The following TNRC6A variants were observed in gnomAD, a reference collection of about 807,000 sequenced individuals.
The protein encoded by TNRC6A is trinucleotide repeat containing adaptor 6A.
A neutral mutation model predicts 221.2 loss-of-function variants in TNRC6A; 44 were observed. The observed-to-expected ratio is 0.20, with a 90% CI of 0.16 to 0.26. The LOEUF is 0.26. TNRC6A is among the 10% of genes least tolerant of loss of function. The pLI, the probability that TNRC6A is intolerant of heterozygous loss-of-function variation, is 1.00. For synonymous variants in TNRC6A, 847 were observed against 838.5 expected, an observed-to-expected ratio of 1.01 and a Z score of -0.18; for missense variants, 2,199 against 2,404.4, an observed-to-expected ratio of 0.91 and a Z score of 1.79.
At chr16:24,691,388 T>C (rs778675475) in intron 2 of TNRC6A, among the ~76,000 whole-genome samples, 11 of 152,136 alleles carry the variant, frequency 7.2e-5, no homozygotes, top group Non-Finnish European at 1.3e-4. Context: ...CAACCCATTT[T>C]ACATTTTTAA....
At chr16:24,616,818 G>A (rs1900378468) in intron 1 of TNRC6A, among the ~76,000 whole-genome samples, 1 of 152,122 alleles carries the variant, frequency 6.6e-6, no homozygotes, top group South Asian at 2.1e-4. Flanking sequence ...CTACTCAGGA[G>A]CCTGAGGCAG....
At chr16:24,656,317 A>T (rs931546638) in intron 2 of TNRC6A, among the ~76,000 whole-genome samples, 4 of 151,736 alleles carry the variant, frequency 2.6e-5, no homozygotes, top group Non-Finnish European at 5.9e-5. Context: ...ACAAAAAAAA[A>T]TTAGCTGGGC....
Position 24,809,501 on chromosome 16 carries a change from C to CAA in TNRC6A, c.4672+20_4672+21insAA. The CAA allele has an allele frequency of 9.6e-7, 1 of 1,037,662 alleles. No homozygotes were observed. The highest frequency in any genetic ancestry group is 1.2e-6 in the Non-Finnish European group (1 of 846,012). The allele number at this position is 1,037,662 out of a possible 1,614,324, so 64.3% of individuals were successfully genotyped here. Reference sequence around the variant, plus strand: ...AACATGGTACAAAAGATACATCTTACCAAAAAAAAAAAAAAAACACACACA... The same window carrying CAA: ...AACATGGTACAAAAGATACATCTTACAACAAAAAAAAAAAAAAAACACACACA... On this transcript the variant is annotated intron_variant, in intron 18 of 24. Transcript: ENST00000395799.
rs748404766 is a variant in TNRC6A, at chr16:24,750,771, GAAA to G, written c.103_105del (p.Lys35del). Reference sequence around the variant, plus strand: ...AACAGTTGATGGAAGAAAAGAAAAAGAAAAAAGACGACAAGAAAAAGAAGGAAG... The same window carrying G: ...AACAGTTGATGGAAGAAAAGAAAAAGAAAGACGACAAGAAAAAGAAGGAAG... On this transcript the variant is annotated inframe_deletion, in exon 3 of 25. Transcript: ENST00000395799. The G allele has an allele frequency of 1.1e-5, 18 of 1,565,278 alleles. No homozygotes were observed. The highest frequency in any genetic ancestry group is 3.4e-4 in the Middle Eastern group (2 of 5,906).
chr16:24,648,319 T>C (rs189715906), intron 2 of TNRC6A, among the ~76,000 whole-genome samples: 3,250 of 141,840 alleles, frequency 0.023, 122 homozygotes, highest in African/African-American at 0.082. Flanking sequence ...TCGCCCAGGC[T>C]GGAGTGCAGT....
chr16:24,748,718 C>T (rs1228947709), intron 2 of TNRC6A, among the ~76,000 whole-genome samples: 3 of 152,038 alleles, frequency 2.0e-5, no homozygotes, highest in Non-Finnish European at 4.4e-5. Flanking sequence ...CTCATTGCAG[C>T]GCACCTATAG....
At chr16:24,734,558 G>A (rs1323934216) in intron 2 of TNRC6A, among the ~76,000 whole-genome samples, 10 of 152,204 alleles carry the variant, frequency 6.6e-5, no homozygotes, top group African/African-American at 1.4e-4. Flanking sequence ...CATTTCTCAA[G>A]TGAGAAAGCT....
intron 2 of TNRC6A, among the ~76,000 whole-genome samples, chr16:24,680,713 C>CAAA (rs560768377): frequency 1.7e-5 from 2 of 118,248 alleles, no homozygotes; most frequent in Non-Finnish European, 3.5e-5. Flanking sequence ...AAGACTCCAT[C>CAAA]AAAAAAAAAA....
intron 2 of TNRC6A, among the ~76,000 whole-genome samples, chr16:24,690,831 G>A (rs940584136): frequency 8.9e-5 from 13 of 146,000 alleles, no homozygotes; most frequent in Non-Finnish European, 1.2e-4. Flanking sequence ...TTTTTGAGAC[G>A]GAGTCTTGCT....
At chr16:24,819,732 C>CATCATTAAAAAA in intron 21 of TNRC6A, 1 of 196,210 alleles carries the variant, frequency 5.1e-6, no homozygotes, top group Non-Finnish European at 1.0e-5. Flanking sequence ...TGAGTTGGGG[C>CATCATTAAAAAA]TCTTTTGCAG....
At chr16:24,796,396 A>G (rs2058220031) in intron 9 of TNRC6A, 1 of 154,804 alleles carries the variant, frequency 6.5e-6, no homozygotes, top group African/African-American at 2.4e-5. Context: ...AATCAGTGAT[A>G]GTATGAAATA....
chr16:24,706,979 T>TTTATTTA (rs1555492075), intron 2 of TNRC6A, among the ~76,000 whole-genome samples: 5,743 of 140,442 alleles, frequency 0.041, 205 homozygotes, highest in East Asian at 0.15. Context: ...ATTTATCTAT[T>TTTATTTA]TTTATTTATG....
rs138044879 is a variant in TNRC6A at position 24,745,457 on chromosome 16, AAGT to A, written c.54-5266_54-5264del. Among the ~76,000 whole-genome samples, 1,328 of 152,320 alleles carry A rather than the reference AAGT, an allele frequency of 8.7e-3. 15 individuals carry two copies. The highest frequency in any genetic ancestry group is 0.019 in the Admixed American group (289 of 15,308). ...AAGAAGGTGGGATCTGCATGGGAGA[AAGT>A]AGGAGAACAGAATGTTTTTTGGCAG... On this transcript the variant is annotated intron_variant, in intron 2 of 24. Coordinates refer to ENST00000395799, the MANE Select transcript of TNRC6A (RefSeq NM_014494.4).
chr16:24,673,283 G>A (rs2055343718), intron 2 of TNRC6A, among the ~76,000 whole-genome samples: 1 of 152,200 alleles, frequency 6.6e-6, no homozygotes, highest in African/African-American at 2.4e-5. Context: ...AGGGTAAGTA[G>A]AAAAGTAAGT....
At chr16:24,752,589 T>A (rs769477952) in intron 3 of TNRC6A, among the ~76,000 whole-genome samples, 1 of 152,142 alleles carries the variant, frequency 6.6e-6, no homozygotes, top group Admixed American at 6.5e-5. Flanking sequence ...GTCTTTGCAG[T>A]CTGGTCGGTC....
At chr16:24,706,929 C>T (rs1380038413) in intron 2 of TNRC6A, among the ~76,000 whole-genome samples, 8 of 151,826 alleles carry the variant, frequency 5.3e-5, no homozygotes, top group Non-Finnish European at 1.0e-4. Flanking sequence ...TGATTCCTTA[C>T]GCCAAATAAA....
upstream of TNRC6A, among the ~76,000 whole-genome samples, chr16:24,727,885 T>C (rs1405663694): frequency 2.0e-5 from 3 of 152,160 alleles, no homozygotes; most frequent in Admixed American, 6.5e-5. Flanking sequence ...GTCACTAGCA[T>C]TTATTCGGTG....
chr16:24,612,969 G>T (rs551736004), intron 1 of TNRC6A, among the ~76,000 whole-genome samples: 1 of 151,754 alleles, frequency 6.6e-6, no homozygotes, highest in Non-Finnish European at 1.5e-5. Context: ...ACTGAAGGCC[G>T]GGAGTGGTAG....
In TNRC6A at chr16:24,805,683, C is replaced by T; in HGVS notation, c.4201C>T (p.Leu1401=). 1 of 1,614,228 alleles carries T rather than the reference C, an allele frequency of 6.2e-7. No homozygotes were observed. Among genetic ancestry groups the T allele is most frequent in the South Asian group, 1.1e-5 (1 of 91,088 alleles). The change falls in exon 15 of 25, where the codon CTG becomes TTG. Residue 1401 remains leucine (L), a synonymous_variant. Transcript: ENST00000395799. ...CTTTGGCCCTCAACAGGTAGCCATGCTGAACCAGCTATCCCAGCTAAACCA... is the reference window on the plus strand; with the variant it reads ...CTTTGGCCCTCAACAGGTAGCCATGTTGAACCAGCTATCCCAGCTAAACCA... ...PLFGPQQVAM[L]NQLSQLNQLS... is the part of the protein sequence containing the mutation.
Sources: allele counts gnomAD v4.1 joint callset (sites outside exome capture counted in the v4.1 genomes callset), GRCh38; gene constraint gnomAD v4.1.1; transcripts MANE v1.5; gene names NCBI Gene and HGNC (gene_info 2026-07-23, HGNC 2026-07-21).